Variants in PCDHA4 observed in about 807,000 individuals in gnomAD.
PCDHA4 encodes the protein protocadherin alpha 4.
In PCDHA4, 49 loss-of-function variants were observed where a neutral mutation model predicts 61.4. The observed-to-expected ratio is 0.80, with a 90% CI of 0.63 to 1.01. The LOEUF is 1.01. Ranked by LOEUF, PCDHA4 falls within the 50% of genes least tolerant of loss-of-function variation. The pLI, the probability that PCDHA4 is intolerant of heterozygous loss-of-function variation, is 0.00. For missense variants in PCDHA4, 1,254 were observed against 1,235.8 expected (o/e 1.01, Z -0.22); for synonymous variants, 590 against 550.3 (o/e 1.07, Z -1.01).
intron 1 of PCDHA4, among the ~76,000 whole-genome samples, chr5:140,826,047 G>A (rs1554130434): frequency 6.6e-6 from 1 of 152,052 alleles, no homozygotes; most frequent in East Asian, 1.9e-4. Context: ...CTGTTGCTTT[G>A]CCTGTTTCTT....
chr5:140,847,275 C>T (rs1232934318), intron 1 of PCDHA4, among the ~76,000 whole-genome samples: 1 of 149,636 alleles, frequency 6.7e-6, no homozygotes, highest in Non-Finnish European at 1.5e-5. Flanking sequence ...GAAGGTTGAA[C>T]GGGAAGACAA....
At chr5:140,882,750 A>C (rs781948584) in intron 1 of PCDHA4, 3 of 1,614,128 alleles carry the variant, frequency 1.9e-6, no homozygotes, top group Non-Finnish European at 2.5e-6. Flanking sequence ...TCCGATGCAG[A>C]TATTGGAGTA....
At chr5:140,884,120 G>A in intron 1 of PCDHA4, 1 of 1,613,322 alleles carries the variant, frequency 6.2e-7, no homozygotes, top group Non-Finnish European at 8.5e-7. Flanking sequence ...GGCGGTCGGC[G>A]CGCGCATCCC....
At chr5:140,824,438 T>G in intron 1 of PCDHA4, 1 of 481,602 alleles carries the variant, frequency 2.1e-6, no homozygotes, top group Non-Finnish European at 3.6e-6. Context: ...AAAGTTTCAG[T>G]TTATGACTAC....
intron 1 of PCDHA4, chr5:140,875,267 C>T (rs1203068511): frequency 2.5e-6 from 3 of 1,210,992 alleles, no homozygotes; most frequent in Admixed American, 3.0e-5. Context: ...TGTCGCTCTA[C>T]ACTCAGAAGG....
At chr5:140,824,610 G>GT (rs2150135229) in intron 1 of PCDHA4, 42,955 of 94,730 alleles carry the variant, frequency 0.45, 12,425 homozygotes, top group South Asian at 0.52. Flanking sequence ...GCTAATTAAA[G>GT]TTTTTTTTTT....
rs782366361 is a variant in PCDHA4, at chr5:140,884,693, T to C, written c.2385+75121T>C. On this transcript the variant is annotated intron_variant, in intron 1 of 3. Coordinates refer to ENST00000530339, the MANE Select transcript of PCDHA4 (RefSeq NM_018907.4). ...CTTATATTTTAAAAAATTGTCTTAGTAAACACTTTAGCCTTCCTTGCAGTT... is the reference window on the plus strand; with the variant it reads ...CTTATATTTTAAAAAATTGTCTTAGCAAACACTTTAGCCTTCCTTGCAGTT... The C allele has an allele frequency of 2.1e-5, 32 of 1,524,768 alleles. No individual in the cohort carries two copies. The East Asian group carries it at 6.9e-4, about 33-fold the overall frequency. The allele number at this position is 1,524,768 out of a possible 1,614,324, so 94.5% of individuals were successfully genotyped here. A position where few individuals can be genotyped will look rare whatever the true frequency, so the allele number is the denominator to read the frequency against.
intron 3 of PCDHA4, among the ~76,000 whole-genome samples, chr5:141,002,289 G>A (rs1468757497): frequency 1.3e-5 from 2 of 152,204 alleles, no homozygotes; most frequent in East Asian, 3.8e-4. Flanking sequence ...GGATGAATGG[G>A]GAGCAAAGGG....
intron 1 of PCDHA4, among the ~76,000 whole-genome samples, chr5:140,820,412 A>G: frequency 6.6e-6 from 1 of 152,030 alleles, no homozygotes. Flanking sequence ...TTTTAAATGT[A>G]AAAGTATCCA....
At chr5:140,982,348 T>A (rs1253085859) in intron 2 of PCDHA4, 127 bp from the exon 3 acceptor site, 1 of 1,496,080 alleles carries the variant, frequency 6.7e-7, no homozygotes, top group East Asian at 2.4e-5. Flanking sequence ...TTGCTTCAGT[T>A]CAAGCATGAG....
At chr5:140,901,942 T>C (rs1307043698) in intron 1 of PCDHA4, among the ~76,000 whole-genome samples, 4 of 152,128 alleles carry the variant, frequency 2.6e-5, no homozygotes, top group Non-Finnish European at 5.9e-5. Flanking sequence ...TAGGTATATT[T>C]AGTTTTATTC....
rs2126655451 is a variant in PCDHA4, at chr5:140,814,449, CT to C, written c.2385+4889del. 833 of 141,266 alleles carry C rather than the reference CT, an allele frequency of 5.9e-3. 2 individuals are homozygous for C. The highest frequency in any genetic ancestry group is 0.014 in the African/African-American group (566 of 39,162). The allele number at this position is 141,266 out of a possible 1,614,324, so 8.8% of individuals were successfully genotyped here. A position where few individuals can be genotyped will look rare whatever the true frequency, so the allele number is the denominator to read the frequency against. ...AGGCTGTTTTGTGGTGACCTTTTTT[CT>C]TTTTTTTTTTTGAGTTAATGTATTT... On this transcript the variant is annotated intron_variant, in intron 1 of 3. Transcript: ENST00000530339.
Position 140,982,566 on chromosome 5 carries a change from A to G in PCDHA4, c.2533+3A>G, listed in dbSNP as rs372784858. On this transcript the variant is annotated splice_donor_region_variant and intron_variant, in intron 3 of 3. Transcript: ENST00000530339. ...AACAGTATCCAGTGCAACACCAGGT[A>G]AAGAGCTGGGGTCTCTCCATTCTTT... 8 of 1,613,970 alleles carry G rather than the reference A, an allele frequency of 5.0e-6. No individual in the cohort carries two copies. The highest frequency in any genetic ancestry group is 6.8e-6 in the Non-Finnish European group (8 of 1,179,958).
chr5:140,868,938 T>A (rs2050744008), intron 1 of PCDHA4: 1 of 1,227,724 alleles, frequency 8.1e-7, no homozygotes, highest in Non-Finnish European at 1.1e-6. Flanking sequence ...AAGGTTGGTC[T>A]GAACAGTGAG....
chr5:140,920,821 C>T (rs1389717155), intron 1 of PCDHA4, among the ~76,000 whole-genome samples: 11 of 146,336 alleles, frequency 7.5e-5, no homozygotes, highest in South Asian at 2.1e-4. Flanking sequence ...TCCAGCCTGG[C>T]GACGGAGCAA....
chr5:141,010,368 C>T lies in PCDHA4; in HGVS notation c.*431C>T, dbSNP rs368481822. ...GGTATGTGTGGCTACCGCGGGTATG[C>T]GAGTGCCAGATATTGGCTGAGACGA... On this transcript the variant is annotated 3_prime_UTR_variant, in exon 4 of 4. Coordinates refer to ENST00000530339, the MANE Select transcript of PCDHA4 (RefSeq NM_018907.4). The T allele has an allele frequency of 8.2e-6, 12 of 1,470,936 alleles. No homozygotes were observed. The East Asian group carries it at 1.7e-4, about 21-fold the overall frequency. 91.1% of individuals were successfully genotyped at this position (1,470,936 alleles called of 1,614,324 possible). A position where few individuals can be genotyped will look rare whatever the true frequency, so the allele number is the denominator to read the frequency against.
rs530453384 is a variant in PCDHA4, at chr5:140,891,358, GA to G, written c.2385+81787del. Among the ~76,000 whole-genome samples the G allele has an allele frequency of 3.0e-3, 462 of 152,158 alleles. 1 individual carries two copies. Among genetic ancestry groups the G allele is most frequent in the Non-Finnish European group, 4.7e-3 (320 of 67,992 alleles). On this transcript the variant is annotated intron_variant, in intron 1 of 3. Transcript: ENST00000530339. ...TGAGATTTTGGTGCATCCATCACCT[GA>G]GCAGTATACATTGCACCATATTTGC...
chr5:140,894,374 A>G (rs1449305462), intron 1 of PCDHA4, among the ~76,000 whole-genome samples: 1 of 151,940 alleles, frequency 6.6e-6, no homozygotes, highest in African/African-American at 2.4e-5. Flanking sequence ...AATGGCTCCA[A>G]TTATATTTGT....
rs1581309045 is a variant in PCDHA4, at chr5:140,853,255, T to G, written c.2385+43683T>G. On this transcript the variant is annotated intron_variant, in intron 1 of 3. Transcript: ENST00000530339. Reference sequence around the variant, plus strand: ...GTCCTTCATATTAATCTCTATTCTCTCTCAGAGTACAAGCTCTCATCATAT... The same window carrying G: ...GTCCTTCATATTAATCTCTATTCTCGCTCAGAGTACAAGCTCTCATCATAT... 7 of 974,424 alleles carry G rather than the reference T, an allele frequency of 7.2e-6. 1 individual carries two copies. Among genetic ancestry groups the G allele is most frequent in the Non-Finnish European group, 8.7e-6 (7 of 807,532 alleles). The allele number at this position is 974,424 out of a possible 1,614,324, so 60.4% of individuals were successfully genotyped here. A position where few individuals can be genotyped will look rare whatever the true frequency, so the allele number is the denominator to read the frequency against.
Sources: gnomAD v4.1 joint callset for allele counts (sites outside exome capture counted in the v4.1 genomes callset) on GRCh38, gnomAD v4.1.1 for gene constraint, MANE v1.5 for transcripts, NCBI Gene and HGNC (gene_info 2026-07-23, HGNC 2026-07-21) for gene names.